The following VPS13B variants were observed in gnomAD, a reference collection of about 807,000 sequenced individuals.
The protein encoded by VPS13B is vacuolar protein sorting 13 homolog B.
A neutral mutation model predicts 426.4 loss-of-function variants in VPS13B; 285 were observed. The ratio of observed to expected loss-of-function variants is 0.67; its 90% confidence interval spans 0.61 to 0.74. VPS13B has a LOEUF of 0.74. VPS13B is among the 30% of genes least tolerant of loss of function. VPS13B has a pLI of 0.00. For missense variants in VPS13B, 4,537 were observed against 4,782.6 expected (o/e 0.95, Z 1.51); for synonymous variants, 1,676 against 1,676.4 (o/e 1.00, Z 0.01).
chr8:99,727,263 A>G (rs1249460434), intron 39 of VPS13B, among the ~76,000 whole-genome samples: 1 of 152,230 alleles, frequency 6.6e-6, no homozygotes, highest in East Asian at 1.9e-4. Flanking sequence ...GAAATGTGGA[A>G]AGAAGGAAAA....
intron 3 of VPS13B, among the ~76,000 whole-genome samples, chr8:99,051,961 T>C (rs896958632): frequency 6.6e-6 from 1 of 152,202 alleles, no homozygotes; most frequent in African/African-American, 2.4e-5. Context: ...CGATATACAA[T>C]CATGTCATCC....
intron 33 of VPS13B, among the ~76,000 whole-genome samples, chr8:99,580,984 AACACACACACACACACACACAC>A (rs34074519): frequency 3.2e-5 from 4 of 126,620 alleles, no homozygotes; most frequent in Non-Finnish European, 4.9e-5. Flanking sequence ...ATCTCTACAA[AACACACACACACACACACACAC>A]ACACACACAC....
intron 24 of VPS13B, among the ~76,000 whole-genome samples, chr8:99,475,892 C>T (rs528460785): frequency 1.1e-4 from 17 of 152,152 alleles, no homozygotes; most frequent in Non-Finnish European, 2.1e-4. Flanking sequence ...CATTTTTACT[C>T]GAAATGTAGT....
intron 37 of VPS13B, among the ~76,000 whole-genome samples, chr8:99,717,950 C>T (rs920793949): frequency 5.3e-5 from 8 of 152,118 alleles, no homozygotes; most frequent in African/African-American, 1.9e-4. Context: ...GGGTTCTTTC[C>T]ACTTTTGGCT....
rs1176686060 is a variant in VPS13B, at chr8:99,744,747, A to C, written c.7051-22027A>C. Among the ~76,000 whole-genome samples the C allele has an allele frequency of 8.0e-5, 12 of 149,586 alleles. No individual in the cohort carries two copies. In the Admixed American group the frequency reaches 8.1e-4, roughly 10 times the overall value. On this transcript the variant is annotated intron_variant, in intron 39 of 61. Transcript: ENST00000357162. Reference sequence around the variant, plus strand: ...AAAAAACCAAACACTGCATATTCTCACTCATAGGTGGGAATTGAACAATGA... The same window carrying C: ...AAAAAACCAAACACTGCATATTCTCCCTCATAGGTGGGAATTGAACAATGA...
At chr8:99,738,028 A>C (rs932119995) in intron 39 of VPS13B, among the ~76,000 whole-genome samples, 10 of 152,358 alleles carry the variant, frequency 6.6e-5, no homozygotes, top group African/African-American at 2.4e-4. Flanking sequence ...GAGTCTCACT[A>C]TATATAAGCT....
intron 12 of VPS13B, 22 bp downstream of exon 12, chr8:99,136,774 G>A (rs780864992): frequency 6.2e-7 from 1 of 1,610,014 alleles, no homozygotes; most frequent in Non-Finnish European, 8.5e-7. Context: ...TTTCCTTTAT[G>A]TGTGCCATTT....
Position 99,798,089 on chromosome 8 carries a change from A to G in VPS13B, c.7942-11286A>G, listed in dbSNP as rs1216518388. ...AGCTAAAATCAACAGTGAGGTAAAC[A>G]CTTCTTGGGACCATCTGGCAAGCAT... On this transcript the variant is annotated intron_variant, in intron 43 of 61. Coordinates refer to ENST00000357162, the MANE Select transcript of VPS13B (RefSeq NM_152564.5). 2.0e-5 allele frequency among the ~76,000 whole-genome samples: 3 copies of G among 152,040 alleles called. No homozygotes were observed. The East Asian group carries it at 5.8e-4, about 29-fold the overall frequency.
At chr8:99,497,168 T>C (rs987184737) in intron 25 of VPS13B, among the ~76,000 whole-genome samples, 1 of 134,614 alleles carries the variant, frequency 7.4e-6, no homozygotes, top group Non-Finnish European at 1.6e-5. Context: ...TAAAAATATA[T>C]TTATATATTT....
intron 20 of VPS13B, among the ~76,000 whole-genome samples, chr8:99,390,790 C>T (rs933957553): frequency 1.3e-5 from 2 of 152,186 alleles, no homozygotes; most frequent in Admixed American, 6.6e-5. Context: ...TATCTTTGAT[C>T]CTATGGCAAA....
intron 21 of VPS13B, among the ~76,000 whole-genome samples, chr8:99,415,181 C>G (rs544830052): frequency 6.6e-6 from 1 of 151,690 alleles, no homozygotes; most frequent in South Asian, 2.1e-4. Flanking sequence ...GATATCCTTT[C>G]TTCTGCTTGA....
chr8:99,267,611 C>T (rs1217593191), intron 17 of VPS13B, among the ~76,000 whole-genome samples: 1 of 151,762 alleles, frequency 6.6e-6, no homozygotes, highest in Non-Finnish European at 1.5e-5. Context: ...CCTATAATCC[C>T]AGCTACTTGG....
intron 12 of VPS13B, among the ~76,000 whole-genome samples, chr8:99,142,667 G>A (rs151282135): frequency 2.6e-4 from 40 of 152,196 alleles, no homozygotes; most frequent in African/African-American, 8.9e-4. Context: ...TGCATATTGT[G>A]TATAGAATTA....
At chr8:99,413,588 A>G (rs1156606626) in intron 21 of VPS13B, among the ~76,000 whole-genome samples, 1 of 152,154 alleles carries the variant, frequency 6.6e-6, no homozygotes, top group Non-Finnish European at 1.5e-5. Flanking sequence ...ATTTCCCTCT[A>G]AACACTGCTT....
At chr8:99,408,556 G>A (rs1815454230) in intron 21 of VPS13B, among the ~76,000 whole-genome samples, 1 of 152,144 alleles carries the variant, frequency 6.6e-6, no homozygotes, top group African/African-American at 2.4e-5. Flanking sequence ...TTGAGAAAGA[G>A]ACTCAAGAGT....
intron 35 of VPS13B, among the ~76,000 whole-genome samples, chr8:99,663,364 T>C (rs1041366106): frequency 6.6e-5 from 10 of 152,194 alleles, no homozygotes; most frequent in African/African-American, 2.4e-4. Context: ...CTAATCTTGA[T>C]AAACTCTAGA....
chr8:99,184,319 T>G (rs979602962), intron 16 of VPS13B, among the ~76,000 whole-genome samples: 2 of 152,186 alleles, frequency 1.3e-5, no homozygotes, highest in African/African-American at 4.8e-5. Flanking sequence ...ATGATATCAT[T>G]TTATATTCCT....
chr8:99,356,212 T>C (rs979401487), intron 19 of VPS13B, among the ~76,000 whole-genome samples: 4 of 152,234 alleles, frequency 2.6e-5, no homozygotes, highest in African/African-American at 9.6e-5. Context: ...TTTGTGACTA[T>C]GTTTCTTTTT....
intron 28 of VPS13B, chr8:99,507,883 T>A: frequency 6.2e-7 from 1 of 1,614,106 alleles, no homozygotes; most frequent in East Asian, 2.2e-5. Flanking sequence ...CAGGACCCTT[T>A]CAGTAATTGC....
Sources: gnomAD v4.1 joint callset for allele counts (sites outside exome capture counted in the v4.1 genomes callset) on GRCh38, gnomAD v4.1.1 for gene constraint, MANE v1.5 for transcripts, NCBI Gene and HGNC (gene_info 2026-07-23, HGNC 2026-07-21) for gene names.